The following MAF variants were observed in gnomAD, a reference collection of about 807,000 sequenced individuals.
MAF encodes the protein MAF bZIP transcription factor.
A neutral mutation model predicts 22.0 loss-of-function variants in MAF; 10 were observed. The observed-to-expected ratio is 0.45, with a 90% CI of 0.28 to 0.77. The LOEUF is 0.77. Ranked by LOEUF, MAF falls within the 30% of genes least tolerant of loss-of-function variation. MAF has a pLI of 0.12. For missense variants in MAF, 544 were observed against 548.4 expected (o/e 0.99, Z 0.08); for synonymous variants, 337 against 255.8 (o/e 1.32, Z -3.03).
At chr16:79,208,631 A>C in the MAF span, among the ~76,000 whole-genome samples, 4 of 151,074 alleles carry the variant, frequency 2.6e-5, no homozygotes, top group Non-Finnish European at 5.9e-5. Context: ...TGCTCTTTAA[A>C]TTTTTTTTTT....
the MAF span, among the ~76,000 whole-genome samples, chr16:79,385,252 C>T: frequency 2.0e-5 from 3 of 152,174 alleles, no homozygotes; most frequent in Non-Finnish European, 4.4e-5. Context: ...AAATAGCTAA[C>T]TTGCCAATAT....
the MAF span, among the ~76,000 whole-genome samples, chr16:79,356,182 G>GTGCA: frequency 4.9e-4 from 73 of 150,416 alleles, no homozygotes; most frequent in East Asian, 2.2e-3. Context: ...TCATACATGT[G>GTGCA]CACACACACA....
the MAF span, among the ~76,000 whole-genome samples, chr16:79,448,297 T>C: frequency 2.6e-5 from 4 of 151,736 alleles, no homozygotes; most frequent in Admixed American, 6.6e-5. Context: ...CTATGATAAG[T>C]CAGCAGCCAT....
the MAF span, among the ~76,000 whole-genome samples, chr16:79,418,533 G>C: frequency 6.6e-6 from 1 of 152,106 alleles, no homozygotes; most frequent in African/African-American, 2.4e-5. Flanking sequence ...CGTGGTGAGG[G>C]GGCAAAGGAA....
At chr16:79,258,432 C>A in the MAF span, among the ~76,000 whole-genome samples, 1 of 152,200 alleles carries the variant, frequency 6.6e-6, no homozygotes, top group African/African-American at 2.4e-5. Flanking sequence ...TGCATCAGCA[C>A]TGTTCCAGGG....
the MAF span, among the ~76,000 whole-genome samples, chr16:79,359,736 G>C: frequency 4.6e-5 from 7 of 152,182 alleles, no homozygotes; most frequent in Non-Finnish European, 1.0e-4. Flanking sequence ...GCTTTCTTCT[G>C]AGGTAAGTGC....
At chr16:79,597,856 A>C in intron 1 of MAF, 1 of 1,028,842 alleles carries the variant, frequency 9.7e-7, no homozygotes, top group South Asian at 4.6e-5. Context: ...AAACAGTTAT[A>C]GTTCATTGTT....
the MAF span, among the ~76,000 whole-genome samples, chr16:79,563,503 C>T: frequency 2.5e-5 from 3 of 121,456 alleles, no homozygotes; most frequent in Admixed American, 8.0e-5. Flanking sequence ...AAAGACTTGG[C>T]ACCAAAAAAA....
At chr16:79,460,168 G>C in the MAF span, among the ~76,000 whole-genome samples, 3 of 151,812 alleles carry the variant, frequency 2.0e-5, no homozygotes, top group South Asian at 6.2e-4. Context: ...TTTTTATTTT[G>C]AATTTTGTTT....
the MAF span, among the ~76,000 whole-genome samples, chr16:79,480,243 C>T: frequency 2.0e-5 from 3 of 152,140 alleles, no homozygotes; most frequent in East Asian, 5.8e-4. Context: ...TGCTCAAATT[C>T]CCCAATTAGT....
chr16:79,222,694 A>G, the MAF span, among the ~76,000 whole-genome samples: 1 of 152,176 alleles, frequency 6.6e-6, no homozygotes, highest in African/African-American at 2.4e-5. Context: ...TTACCAAGCA[A>G]GTGGGAAGAA....
chr16:79,550,204 A>G, the MAF span, among the ~76,000 whole-genome samples: 1 of 152,148 alleles, frequency 6.6e-6, no homozygotes, highest in African/African-American at 2.4e-5. Context: ...GTGACCATTT[A>G]CCAAAATGAA....
chr16:79,323,305 G>A, the MAF span, among the ~76,000 whole-genome samples: 5 of 151,838 alleles, frequency 3.3e-5, no homozygotes, highest in East Asian at 1.9e-4. Flanking sequence ...AGAATGTCAC[G>A]AATGGTGTCC....
At chr16:79,580,997 T>C (rs904626739), downstream of MAF, among the ~76,000 whole-genome samples, 3 of 152,156 alleles carry the variant, frequency 2.0e-5, no homozygotes, top group Non-Finnish European at 4.4e-5. Flanking sequence ...AAGGAATTTC[T>C]GATCTCTCTT....
chr16:79,590,291 C>T (rs532676497), downstream of MAF, among the ~76,000 whole-genome samples: 6 of 152,314 alleles, frequency 3.9e-5, no homozygotes, highest in African/African-American at 1.4e-4. Flanking sequence ...TCTCTGCCTA[C>T]ATCTCCTTCA....
At chr16:79,241,997 G>T in the MAF span, among the ~76,000 whole-genome samples, 1 of 152,038 alleles carries the variant, frequency 6.6e-6, no homozygotes, top group African/African-American at 2.4e-5. Context: ...AATGCTGAGA[G>T]ATTTTGTCAC....
the MAF span, among the ~76,000 whole-genome samples, chr16:79,553,557 C>T: frequency 6.6e-6 from 1 of 152,222 alleles, no homozygotes; most frequent in African/African-American, 2.4e-5. Context: ...TGTCATCTCA[C>T]CCGGAGCCTG....
chr16:79,595,823 G>A (rs1913486295), intron 1 of MAF: 1 of 1,057,804 alleles, frequency 9.5e-7, no homozygotes, highest in Admixed American at 5.4e-5. Flanking sequence ...GGTGAAATAT[G>A]ATTTGATAAC....
the MAF span, among the ~76,000 whole-genome samples, chr16:79,245,072 T>G: frequency 6.6e-6 from 1 of 151,952 alleles, no homozygotes; most frequent in African/African-American, 2.4e-5. Flanking sequence ...TAATTCAAGT[T>G]GAATTAAAGA....
Sources: allele counts gnomAD v4.1 joint callset (sites outside exome capture counted in the v4.1 genomes callset), GRCh38; gene constraint gnomAD v4.1.1; transcripts MANE v1.5; gene names NCBI Gene and HGNC (gene_info 2026-07-23, HGNC 2026-07-21).